Variants in SCN7A observed in about 807,000 individuals in gnomAD.
SCN7A encodes sodium voltage-gated channel alpha subunit 7.
In SCN7A, 138 loss-of-function variants were observed where a neutral mutation model predicts 155.2. The ratio of observed to expected loss-of-function variants is 0.89; its 90% CI spans 0.77 to 1.02. The LOEUF is 1.02. Ranked by LOEUF, SCN7A falls within the 50% of genes least tolerant of loss-of-function variation. The pLI is 0.00. For missense variants in SCN7A, 2,058 were observed against 1,986.6 expected, an observed-to-expected ratio of 1.04 and a Z score of -0.68; for synonymous variants, 693 against 649.0, an observed-to-expected ratio of 1.07 and a Z score of -1.03.
Position 166,406,558 on chromosome 2 carries a change from C to T in SCN7A, c.4071G>A (p.Leu1357=). The change falls in exon 26 of 26, where the codon CTG becomes CTA. Residue 1357 remains leucine, a synonymous_variant. Transcript: ENST00000643258. ...LILLSRIIHM[L]RLGKGPKVFH... is the part of the protein sequence containing the mutation. ...ACACCTTTGGTCCTTTTCCAAGACG[C>T]AGCATGTGAATGATCCGTGAGAGAA... 6.2e-7 allele frequency: 1 copy of T among 1,612,838 alleles called. No individual in the cohort carries two copies. The highest frequency in any genetic ancestry group is 8.5e-7 in the Non-Finnish European group (1 of 1,179,250).
intron 23 of SCN7A, 87 bp from the exon 24 acceptor site, chr2:166,410,411 T>A: frequency 1.2e-6 from 1 of 841,762 alleles, no homozygotes; most frequent in Non-Finnish European, 1.8e-6. Context: ...ACTTGGCAAT[T>A]ATTGATTTAA....
In SCN7A at chr2:166,447,661, T is replaced by C; in HGVS notation, c.1338A>G (p.Thr446=). Residue 446 remains threonine (T), a synonymous_variant, in exon 12 of 26, where the codon ACA becomes ACG. Coordinates refer to ENST00000643258, the MANE Select transcript of SCN7A (RefSeq NM_002976.4). ...CTTCCAACACATCCAATGATGTGTC[T>C]GTGGAAATTGGTGACCTTTTCTTCA... The part of the protein sequence containing the change: ...IEMKKRSPIS[T]DTSLDVLEDA... 6.2e-7 allele frequency: 1 copy of C among 1,613,444 alleles called. No homozygotes were observed. Among genetic ancestry groups the C allele is most frequent in the Non-Finnish European group, 8.5e-7 (1 of 1,179,582 alleles).
intron 7 of SCN7A, among the ~76,000 whole-genome samples, chr2:166,468,358 ACAG>A (rs1260392042): frequency 6.6e-6 from 1 of 152,094 alleles, no homozygotes; most frequent in Non-Finnish European, 1.5e-5. Flanking sequence ...TTCTTCATCT[ACAG>A]CAGGTTGTTG....
Position 166,421,228 on chromosome 2 carries a change from G to A in SCN7A, c.3097C>T (p.Arg1033Trp), listed in dbSNP as rs1467511217. 64 of 1,534,722 alleles carry A rather than the reference G, an allele frequency of 4.2e-5. No homozygotes were observed. Among genetic ancestry groups the A allele is most frequent in the Non-Finnish European group, 5.1e-5 (58 of 1,141,012 alleles). The change falls in exon 20 of 26, where the codon CGG becomes TGG. Residue 1033 changes from arginine to tryptophan, a missense_variant. Arg to Trp is a moderately radical substitution (Grantham distance 101, BLOSUM62 -3). Transcript: ENST00000643258. ...LKPLISMKFLRPLRVLSQFER... is the reference protein window; with the variant it reads ...LKPLISMKFLWPLRVLSQFER... ...AATTGAGATAGAACTCTGAGGGGCC[G>A]AAGGAATTTCATGGAAATAAGAGGT...
At chr2:166,475,761 G>C (rs1337987439) in intron 3 of SCN7A, among the ~76,000 whole-genome samples, 1 of 151,962 alleles carries the variant, frequency 6.6e-6, no homozygotes, top group South Asian at 2.1e-4. Context: ...AATTATAAAA[G>C]TATTTATTTT....
At chr2:166,415,520 G>T (rs1701357314) in intron 21 of SCN7A, among the ~76,000 whole-genome samples, 1 of 152,032 alleles carries the variant, frequency 6.6e-6, no homozygotes, top group South Asian at 2.1e-4. Flanking sequence ...ACTGCAACTG[G>T]CCTGTCTCTT....
At chr2:166,440,619 T>G (rs1487304364) in intron 15 of SCN7A, 1 of 152,100 alleles carries the variant, frequency 6.6e-6, no homozygotes, top group Non-Finnish European at 1.5e-5. Context: ...ACAAATATAT[T>G]TAGTTAAATA....
chr2:166,434,139 A>G (rs1046385428), intron 15 of SCN7A, among the ~76,000 whole-genome samples: 1 of 152,098 alleles, frequency 6.6e-6, no homozygotes, highest in Non-Finnish European at 1.5e-5. Context: ...GAGTTTCTCA[A>G]ACACTCCAAT....
intron 1 of SCN7A, among the ~76,000 whole-genome samples, chr2:166,488,924 C>A (rs1683007229): frequency 6.6e-6 from 1 of 152,172 alleles, no homozygotes; most frequent in African/African-American, 2.4e-5. Context: ...AGGTGTGAGC[C>A]ACTGCGCCCG....
intron 2 of SCN7A, 44 bp from the exon 3 acceptor site, chr2:166,477,754 TA>T: frequency 8.1e-7 from 1 of 1,239,716 alleles, no homozygotes; most frequent in South Asian, 1.7e-5. Flanking sequence ...TAATAAAACA[TA>T]AAAGTACAAA....
chr2:166,408,361 C>T lies in SCN7A; in HGVS notation c.3982+1304G>A, dbSNP rs541257885. On this transcript the variant is annotated intron_variant, in intron 25 of 25. Transcript: ENST00000643258. ...TACCATCAACAATCCATTTAAAAGCCGGTTTCTGTCTTTGGTCTTCTCAAG... is the reference window on the plus strand; with the variant it reads ...TACCATCAACAATCCATTTAAAAGCTGGTTTCTGTCTTTGGTCTTCTCAAG... Among the ~76,000 whole-genome samples the T allele has an allele frequency of 1.2e-4, 19 of 152,040 alleles. No homozygotes were observed. The East Asian group carries it at 3.1e-3, about 25-fold the overall frequency.
At chr2:166,465,598 T>C (rs1047629256) in intron 8 of SCN7A, 67 bp from the exon 9 acceptor site, 3 of 1,314,708 alleles carry the variant, frequency 2.3e-6, no homozygotes, top group African/African-American at 1.5e-5. Flanking sequence ...AGAAGTCCAT[T>C]TGGATCTCTG....
chr2:166,430,825 A>T (rs1022931887), intron 16 of SCN7A, among the ~76,000 whole-genome samples: 1 of 152,014 alleles, frequency 6.6e-6, no homozygotes, highest in Non-Finnish European at 1.5e-5. Flanking sequence ...GAATTATCAG[A>T]TCATTTATAA....
At chr2:166,453,806 G>A (rs1428195611) in intron 11 of SCN7A, among the ~76,000 whole-genome samples, 1 of 151,998 alleles carries the variant, frequency 6.6e-6, no homozygotes, top group Non-Finnish European at 1.5e-5. Flanking sequence ...ACATCTGACT[G>A]GTTTGCAAGC....
intron 3 of SCN7A, among the ~76,000 whole-genome samples, 185 bp from the exon 4 acceptor site, chr2:166,474,529 G>C (rs979109412): frequency 1.3e-5 from 2 of 151,222 alleles, no homozygotes; most frequent in African/African-American, 4.9e-5. Flanking sequence ...TCATATTTAG[G>C]CTTGCCTATT....
chr2:166,439,051 G>GTATATATA (rs1200483058), intron 15 of SCN7A, among the ~76,000 whole-genome samples: 1 of 67,496 alleles, frequency 1.5e-5, no homozygotes, highest in Admixed American at 1.5e-4. Flanking sequence ...ATGTGTGTGT[G>GTATATATA]TGTGTATATA....
intron 11 of SCN7A, among the ~76,000 whole-genome samples, chr2:166,450,472 AAAAAG>A (rs1702153080): frequency 6.6e-6 from 1 of 152,128 alleles, no homozygotes; most frequent in Non-Finnish European, 1.5e-5. Context: ...AAAAGTTGAG[AAAAAG>A]AAAAGAAATT....
chr2:166,415,068 G>A (rs1474943161), intron 21 of SCN7A, among the ~76,000 whole-genome samples: 3 of 144,090 alleles, frequency 2.1e-5, no homozygotes, highest in Non-Finnish European at 4.5e-5. Flanking sequence ...TATTAGTTCT[G>A]TCCCTCTAGG....
At chr2:166,456,803 AATATAT>A (rs61576399) in intron 11 of SCN7A, 61 bp downstream of exon 11, 7,364 of 503,060 alleles carry the variant, frequency 0.015, 98 homozygotes, top group African/African-American at 0.048. Flanking sequence ...TCAAGACTAA[AATATAT>A]ATATATATAT....
Sources: gnomAD v4.1 joint callset for allele counts (sites outside exome capture counted in the v4.1 genomes callset) on GRCh38, gnomAD v4.1.1 for gene constraint, MANE v1.5 for transcripts, NCBI Gene and HGNC (gene_info 2026-07-23, HGNC 2026-07-21) for gene names.